The following DPPA2 variants were observed in gnomAD, a reference collection of about 807,000 sequenced individuals.
The protein encoded by DPPA2 is developmental pluripotency associated 2.
In DPPA2, 26 loss-of-function variants were observed where a neutral mutation model predicts 36.2. That is an observed-to-expected ratio of 0.72 (90% CI 0.53 to 1.00). The LOEUF is 1.00. Ranked by LOEUF, DPPA2 falls within the 50% of genes least tolerant of loss-of-function variation. DPPA2 has a pLI of 0.00. For synonymous variants in DPPA2, 113 were observed against 123.2 expected, an observed-to-expected ratio of 0.92 and a Z score of 0.55; for missense variants, 361 against 365.1, an observed-to-expected ratio of 0.99 and a Z score of 0.09.
intron 2 of DPPA2, 107 bp downstream of exon 2, chr3:109,314,402 CT>C: frequency 8.6e-7 from 1 of 1,166,936 alleles, no homozygotes; most frequent in Admixed American, 2.5e-5. Flanking sequence ...ATGGAGATTT[CT>C]TACATCCAGG....
At chr3:109,294,594 A>T (rs1437316987) in intron 8 of DPPA2, among the ~76,000 whole-genome samples, 1 of 152,220 alleles carries the variant, frequency 6.6e-6, no homozygotes, top group East Asian at 1.9e-4. Context: ...GTAAGCAGTT[A>T]AGTGTAAAGG....
chr3:109,309,125 C>T (rs1292407583), intron 4 of DPPA2, 45 bp downstream of exon 4: 5 of 1,614,072 alleles, frequency 3.1e-6, no homozygotes, highest in Non-Finnish European at 4.2e-6. Context: ...GACAAAGACT[C>T]CCATAATTAT....
At chr3:109,298,712 T>A (rs1190095757) in intron 8 of DPPA2, among the ~76,000 whole-genome samples, 2 of 86,794 alleles carry the variant, frequency 2.3e-5, no homozygotes, top group Non-Finnish European at 5.0e-5. Context: ...TATGATTCTG[T>A]CTAAAAATAA....
intron 7 of DPPA2, among the ~76,000 whole-genome samples, chr3:109,303,939 C>T (rs964940623): frequency 6.6e-6 from 1 of 151,552 alleles, no homozygotes; most frequent in African/African-American, 2.4e-5. Flanking sequence ...GAGCTTGAGA[C>T]CAGCCTGGCC....
chr3:109,304,377 C>A, intron 7 of DPPA2, 98 bp downstream of exon 7: 1 of 1,249,718 alleles, frequency 8.0e-7, no homozygotes, highest in Non-Finnish European at 1.1e-6. Flanking sequence ...AAGAAGACAG[C>A]ATGTTCGCCC....
At chr3:109,310,104 T>A (rs1055612577) in intron 3 of DPPA2, among the ~76,000 whole-genome samples, 2 of 151,374 alleles carry the variant, frequency 1.3e-5, no homozygotes, top group Admixed American at 6.6e-5. Flanking sequence ...GGCACATGCC[T>A]GTAATCCCAG....
intron 6 of DPPA2, among the ~76,000 whole-genome samples, chr3:109,307,150 G>A (rs1274668686): frequency 6.6e-6 from 1 of 151,334 alleles, no homozygotes; most frequent in African/African-American, 2.4e-5. Context: ...CGTATTTTTT[G>A]TAGACAGGGT....
chr3:109,311,527 G>A (rs940804538), intron 3 of DPPA2, among the ~76,000 whole-genome samples: 1 of 152,120 alleles, frequency 6.6e-6, no homozygotes, highest in African/African-American at 2.4e-5. Flanking sequence ...ATCACCTGAG[G>A]TCAGAAGTTT....
At chr3:109,295,115 T>C (rs1707329100) in intron 8 of DPPA2, 1 of 152,216 alleles carries the variant, frequency 6.6e-6, no homozygotes, top group African/African-American at 2.4e-5. Flanking sequence ...AATTGAGAAC[T>C]CCATTATTTG....
rs1283241745 is a variant in DPPA2 at position 109,309,409 on chromosome 3, C to T, written c.182-79G>A. The T allele has an allele frequency of 1.2e-5, 18 of 1,535,756 alleles. No homozygotes were observed. In the East Asian group the frequency reaches 1.4e-4, roughly 12 times the overall value. ...TTAAAATTTTACAAAGATCTAGGGT[C>T]GGGCACGGTGGCTCACGCCTGTAAT... On this transcript the variant is annotated intron_variant, in intron 3 of 8. Coordinates refer to ENST00000478945, the MANE Select transcript of DPPA2 (RefSeq NM_138815.4).
chr3:109,310,784 A>G (rs867116456), intron 3 of DPPA2, among the ~76,000 whole-genome samples: 38 of 149,296 alleles, frequency 2.5e-4, no homozygotes, highest in East Asian at 8.1e-4. Flanking sequence ...GATTACAGGC[A>G]TGAGCCACCG....
chr3:109,313,983 C>G (rs1707750318), intron 2 of DPPA2, among the ~76,000 whole-genome samples: 1 of 152,054 alleles, frequency 6.6e-6, no homozygotes, highest in Non-Finnish European at 1.5e-5. Flanking sequence ...CTCATAGAGC[C>G]AGGACTACCC....
intron 2 of DPPA2, among the ~76,000 whole-genome samples, chr3:109,313,036 C>A (rs1202793591): frequency 6.6e-6 from 1 of 152,144 alleles, no homozygotes; most frequent in Non-Finnish European, 1.5e-5. Flanking sequence ...GGAGTGTGTT[C>A]CTGCCTTTCC....
At chr3:109,295,089 T>C (rs1269967147) in intron 8 of DPPA2, 1 of 152,206 alleles carries the variant, frequency 6.6e-6, no homozygotes, top group Non-Finnish European at 1.5e-5. Context: ...TGAAAGCTAT[T>C]GCCAAATTCA....
At chr3:109,306,364 T>C (rs1707565191) in intron 6 of DPPA2, among the ~76,000 whole-genome samples, 2 of 152,130 alleles carry the variant, frequency 1.3e-5, no homozygotes, top group East Asian at 3.9e-4. Flanking sequence ...TTTGCACAAA[T>C]TATTAAAAGG....
At chr3:109,296,700 G>T (rs1707357741) in intron 8 of DPPA2, among the ~76,000 whole-genome samples, 3 of 151,560 alleles carry the variant, frequency 2.0e-5, no homozygotes, top group Admixed American at 2.0e-4. Flanking sequence ...AAAAAAAAAG[G>T]AAGGAAAGAA....
chr3:109,298,598 C>A (rs375902374), intron 8 of DPPA2, among the ~76,000 whole-genome samples: 25 of 151,414 alleles, frequency 1.7e-4, no homozygotes, highest in African/African-American at 5.8e-4. Flanking sequence ...TGCCTGTAAT[C>A]CCAGCTACTC....
chr3:109,293,867 C>G lies in DPPA2; in HGVS notation c.*160G>C, dbSNP rs1369895483. 6.6e-6 allele frequency: 1 copy of G among 151,974 alleles called. No homozygotes were observed. The highest frequency in any genetic ancestry group is 3.1e-3 in the Middle Eastern group (1 of 318). 9.4% of individuals were successfully genotyped at this position (151,974 alleles called of 1,614,324 possible). On this transcript the variant is annotated 3_prime_UTR_variant, in exon 9 of 9. Coordinates refer to ENST00000478945, the MANE Select transcript of DPPA2 (RefSeq NM_138815.4). ...GGATTCTTTAGATGGGGCTGTGTCA[C>G]TAGTCAACCATCTTCACTGTGGAGT...
At chr3:109,304,273 CAA>C (rs762555789) in intron 7 of DPPA2, among the ~76,000 whole-genome samples, 200 bp downstream of exon 7, 1 of 135,024 alleles carries the variant, frequency 7.4e-6, no homozygotes, top group Non-Finnish European at 1.6e-5. Context: ...AACTCCATCT[CAA>C]AAAAAAAAAA....
Sources: allele counts gnomAD v4.1 joint callset (sites outside exome capture counted in the v4.1 genomes callset), GRCh38; gene constraint gnomAD v4.1.1; transcripts MANE v1.5; gene names NCBI Gene and HGNC (gene_info 2026-07-23, HGNC 2026-07-21).